The following HEMK2 variants were observed in gnomAD, a reference collection of about 807,000 sequenced individuals.
HEMK2 encodes HemK methyltransferase 2, ETF1 glutamine and histone H4 lysine.
chr21:28,761,272 T>C, the HEMK2 span, among the ~76,000 whole-genome samples: 3 of 152,046 alleles, frequency 2.0e-5, no homozygotes, highest in South Asian at 2.1e-4. Context: ...GCGAAAAAAA[T>C]ATATATATGC....
the HEMK2 span, among the ~76,000 whole-genome samples, chr21:28,745,039 G>A: frequency 6.6e-6 from 1 of 152,076 alleles, no homozygotes. Context: ...GACAATAACC[G>A]AAGTATACAT....
chr21:28,877,135 AAGAGAAG>A, the HEMK2 span, among the ~76,000 whole-genome samples: 251 of 59,682 alleles, frequency 4.2e-3, 4 homozygotes, highest in African/African-American at 9.5e-3. Context: ...AAAAAAAGAG[AAGAGAAG>A]AGAGAGAGAG....
chr21:28,856,457 T>C, the HEMK2 span, among the ~76,000 whole-genome samples: 5 of 152,198 alleles, frequency 3.3e-5, no homozygotes, highest in African/African-American at 1.2e-4. Flanking sequence ...TTATTTTGGC[T>C]TGATAAAATC....
chr21:28,854,872 T>C, the HEMK2 span, among the ~76,000 whole-genome samples: 15 of 152,224 alleles, frequency 9.9e-5, no homozygotes, highest in African/African-American at 3.6e-4. Flanking sequence ...CACCCAGAAA[T>C]AATACTTTGT....
At chr21:28,650,224 G>A in the HEMK2 span, among the ~76,000 whole-genome samples, 34 of 152,216 alleles carry the variant, frequency 2.2e-4, no homozygotes, top group East Asian at 1.2e-3. Context: ...GTGAAACCCC[G>A]TCTCTACTAA....
chr21:28,692,298 A>G, the HEMK2 span, among the ~76,000 whole-genome samples: 2 of 152,152 alleles, frequency 1.3e-5, no homozygotes, highest in Admixed American at 6.6e-5. Context: ...GAAGCAAAAG[A>G]AAGAGATACA....
At chr21:28,797,663 G>T in the HEMK2 span, among the ~76,000 whole-genome samples, 1 of 151,838 alleles carries the variant, frequency 6.6e-6, no homozygotes, top group South Asian at 2.1e-4. Context: ...CCAATTCTCA[G>T]TATTAAAAGA....
At chr21:28,848,234 T>C in the HEMK2 span, among the ~76,000 whole-genome samples, 1 of 152,222 alleles carries the variant, frequency 6.6e-6, no homozygotes, top group Non-Finnish European at 1.5e-5. Context: ...TTAACAATAT[T>C]GATTCTTCCT....
the HEMK2 span, among the ~76,000 whole-genome samples, chr21:28,653,980 C>T: frequency 1.3e-5 from 2 of 152,290 alleles, no homozygotes; most frequent in East Asian, 3.9e-4. Context: ...ACTTCAAACG[C>T]TAACCTATAT....
the HEMK2 span, among the ~76,000 whole-genome samples, chr21:28,852,889 G>A: frequency 0.15 from 22,329 of 152,150 alleles, 3,100 homozygotes; most frequent in African/African-American, 0.35. Context: ...TTCTGATTGC[G>A]ACTTTGCATC....
the HEMK2 span, among the ~76,000 whole-genome samples, chr21:28,635,395 A>G: frequency 9.4e-4 from 143 of 152,238 alleles, no homozygotes; most frequent in East Asian, 0.023. Flanking sequence ...CTCATCTATT[A>G]AGTAATAATC....
the HEMK2 span, among the ~76,000 whole-genome samples, chr21:28,762,021 T>C: frequency 1.7e-4 from 26 of 152,276 alleles, no homozygotes; most frequent in South Asian, 2.1e-3. Context: ...ATCTCTACCA[T>C]TGTGTATTCC....
chr21:28,592,930 G>A, the HEMK2 span, among the ~76,000 whole-genome samples: 7,814 of 152,232 alleles, frequency 0.051, 402 homozygotes, highest in African/African-American at 0.13. Flanking sequence ...AGGAATTATG[G>A]TGATGCCAAA....
chr21:28,868,329 T>G, the HEMK2 span, among the ~76,000 whole-genome samples: 2 of 152,232 alleles, frequency 1.3e-5, no homozygotes, highest in African/African-American at 4.8e-5. Context: ...GGTATCTTTA[T>G]AACAGTGAAT....
chr21:28,690,900 C>T, the HEMK2 span, among the ~76,000 whole-genome samples: 1 of 152,134 alleles, frequency 6.6e-6, no homozygotes, highest in African/African-American at 2.4e-5. Context: ...GAGCTTCTCT[C>T]GGTCAGGATT....
At chr21:28,685,038 G>C in the HEMK2 span, among the ~76,000 whole-genome samples, 78 of 152,270 alleles carry the variant, frequency 5.1e-4, no homozygotes, top group South Asian at 0.015. Flanking sequence ...GTGTTTTAAA[G>C]GGAGAATGAG....
At chr21:28,619,755 T>A in the HEMK2 span, among the ~76,000 whole-genome samples, 1 of 152,224 alleles carries the variant, frequency 6.6e-6, no homozygotes, top group African/African-American at 2.4e-5. Flanking sequence ...CAATAATTGA[T>A]GTTCCTATTG....
At chr21:28,816,747 C>G in the HEMK2 span, among the ~76,000 whole-genome samples, 4 of 152,170 alleles carry the variant, frequency 2.6e-5, no homozygotes, top group Non-Finnish European at 5.9e-5. Flanking sequence ...GCTGGGAGAT[C>G]AAGCTAAGCA....
the HEMK2 span, among the ~76,000 whole-genome samples, chr21:28,744,215 T>A: frequency 6.6e-6 from 1 of 151,826 alleles, no homozygotes; most frequent in Non-Finnish European, 1.5e-5. Context: ...ATAACAAACC[T>A]GCACATGTAC....
Sources: allele counts gnomAD v4.1 joint callset (sites outside exome capture counted in the v4.1 genomes callset), GRCh38; gene constraint gnomAD v4.1.1; transcripts MANE v1.5; gene names NCBI Gene and HGNC (gene_info 2026-07-23, HGNC 2026-07-21).